MKLN1: variants seen among roughly 807,000 people sequenced by gnomAD.
The protein encoded by MKLN1 is muskelin.
A neutral mutation model predicts 99.0 loss-of-function variants in MKLN1; 18 were observed. The ratio of observed to expected loss-of-function variants is 0.18; its 90% CI spans 0.13 to 0.27. The LOEUF (loss-of-function observed/expected upper bound fraction) is 0.27, where lower values mean the gene tolerates loss of function less well. MKLN1 is among the 10% of genes least tolerant of loss of function. The pLI is 1.00. For missense variants in MKLN1, 621 were observed against 875.9 expected (o/e 0.71, Z 3.67); for synonymous variants, 288 against 293.2 (o/e 0.98, Z 0.18).
At position 131,374,251 on chromosome 7, in the gene MKLN1, ATGTGGAAACATACCAT is replaced by A. The variant is rs1793565083; in HGVS notation, c.99-1164_99-1149del. Among the ~76,000 whole-genome samples the A allele has an allele frequency of 2.6e-5, 4 of 152,138 alleles. No individual in the cohort carries two copies. In the South Asian group the frequency reaches 6.2e-4, roughly 24 times the overall value. ...CTGTTTTCTTTTATTGGAGAGTGGT[ATGTGGAAACATACCAT>A]TGTGGAAATACCAGGGTGCGGTGCT... On this transcript the variant is annotated intron_variant, in intron 1 of 17. Transcript: ENST00000352689.
intron 3 of MKLN1, among the ~76,000 whole-genome samples, chr7:131,213,985 A>G (rs192851959): frequency 4.4e-4 from 67 of 152,224 alleles, no homozygotes; most frequent in African/African-American, 1.6e-3. Flanking sequence ...GTTTTATTTA[A>G]TAAGTTCTTC....
intron 10 of MKLN1, among the ~76,000 whole-genome samples, chr7:131,442,639 G>A (rs1259072330): frequency 1.3e-5 from 2 of 152,172 alleles, no homozygotes; most frequent in Non-Finnish European, 2.9e-5. Context: ...ACATCAAATG[G>A]TTGGGTTTTA....
intron 12 of MKLN1, among the ~76,000 whole-genome samples, chr7:131,449,897 A>G (rs1302629923): frequency 6.6e-6 from 1 of 152,170 alleles, no homozygotes; most frequent in Non-Finnish European, 1.5e-5. Flanking sequence ...ATTAGATTTT[A>G]AGGAAAATAG....
intron 2 of MKLN1, among the ~76,000 whole-genome samples, chr7:131,385,455 T>C (rs551029115): frequency 6.6e-6 from 1 of 152,300 alleles, no homozygotes; most frequent in South Asian, 2.1e-4. Context: ...TTCCACAGTA[T>C]GTGTACCGTT....
chr7:131,205,081 G>C lies in MKLN1; in HGVS notation c.-179+2107G>C, dbSNP rs144527702. Among the ~76,000 whole-genome samples the C allele has an allele frequency of 1.9e-3, 281 of 149,490 alleles. 1 individual carries two copies. Among genetic ancestry groups the C allele is most frequent in the African/African-American group, 6.8e-3 (273 of 40,158 alleles). ...CCACTGCACTCCAGCCTGGGCAACA[G>C]AACAAGACTCCGTCTCAAAAAAAAA... On this transcript the variant is annotated intron_variant, in intron 3 of 7. Coordinates refer to the MKLN1 transcript ENST00000416992.
intron 2 of MKLN1, among the ~76,000 whole-genome samples, chr7:131,198,030 T>G (rs1026534310): frequency 3.3e-5 from 5 of 152,290 alleles, no homozygotes; most frequent in African/African-American, 1.2e-4. Flanking sequence ...TTAAAATTTC[T>G]GTTATTGAGC....
intron 1 of MKLN1, among the ~76,000 whole-genome samples, chr7:131,361,117 A>G (rs949748647): frequency 3.3e-5 from 5 of 151,114 alleles, no homozygotes; most frequent in African/African-American, 9.7e-5. Flanking sequence ...AATTTTTTTG[A>G]TATTTCCTGC....
chr7:131,152,226 G>T (rs1343567934), intron 2 of MKLN1, among the ~76,000 whole-genome samples: 1 of 152,154 alleles, frequency 6.6e-6, no homozygotes, highest in Non-Finnish European at 1.5e-5. Flanking sequence ...GGAGAATAAG[G>T]TGGGAGGATC....
intron 1 of MKLN1, among the ~76,000 whole-genome samples, chr7:131,360,168 ATATTCACC>A (rs1563310526): frequency 1.3e-5 from 2 of 152,144 alleles, no homozygotes; most frequent in Non-Finnish European, 2.9e-5. Context: ...CCATTTCTTT[ATATTCACC>A]TATTTGTATC....
At chr7:131,448,177 G>A (rs1316012775) in intron 12 of MKLN1, among the ~76,000 whole-genome samples, 1 of 152,062 alleles carries the variant, frequency 6.6e-6, no homozygotes, top group Non-Finnish European at 1.5e-5. Context: ...GCAGTGAGCC[G>A]ATATCACGCC....
chr7:131,326,386 C>T (rs1263944835), upstream of MKLN1, among the ~76,000 whole-genome samples: 2 of 152,086 alleles, frequency 1.3e-5, no homozygotes, highest in Non-Finnish European at 2.9e-5. Flanking sequence ...ACTCTGTTGC[C>T]CAGGCTGGAG....
intron 3 of MKLN1, among the ~76,000 whole-genome samples, chr7:131,293,173 T>C (rs916757668): frequency 1.3e-5 from 2 of 152,168 alleles, no homozygotes; most frequent in East Asian, 1.9e-4. Flanking sequence ...CAGGGCTAGC[T>C]TGCTAAGTGT....
At chr7:131,330,760 A>G (rs1378223217) in intron 1 of MKLN1, among the ~76,000 whole-genome samples, 1 of 152,174 alleles carries the variant, frequency 6.6e-6, no homozygotes, top group Non-Finnish European at 1.5e-5. Flanking sequence ...CTTTCTAAGG[A>G]CTTAGAATTC....
chr7:131,407,316 T>C (rs1229309411), intron 6 of MKLN1, among the ~76,000 whole-genome samples: 1 of 152,070 alleles, frequency 6.6e-6, no homozygotes, highest in African/African-American at 2.4e-5. Context: ...TAGAGAGAGT[T>C]GCTTTTTTTT....
chr7:131,185,027 G>C (rs1796428688), intron 2 of MKLN1, among the ~76,000 whole-genome samples: 1 of 152,178 alleles, frequency 6.6e-6, no homozygotes, highest in African/African-American at 2.4e-5. Context: ...TGCTGGAGTT[G>C]CCCCTGAGCA....
At chr7:131,125,348 C>G (rs1795437390) in intron 1 of MKLN1, among the ~76,000 whole-genome samples, 2 of 152,168 alleles carry the variant, frequency 1.3e-5, no homozygotes. Context: ...GTAGAAGTGA[C>G]AAACAACTTA....
In MKLN1 at chr7:131,416,818, A is replaced by G. The variant is rs183955193; in HGVS notation, c.847+2108A>G. On this transcript the variant is annotated intron_variant, in intron 8 of 17. Transcript: ENST00000352689. The stretch of plus-strand genomic sequence containing the variant: ...GCAGCATAGTGAGACCCCCATCTCT[A>G]TAAGAAATAAAAAAATCAGCTGGAT... 1.3e-3 allele frequency among the ~76,000 whole-genome samples: 202 copies of G among 152,016 alleles called. 1 individual carries two copies. Among genetic ancestry groups the G allele is most frequent in the African/African-American group, 4.6e-3 (192 of 41,494 alleles).
At chr7:131,376,497 C>G (rs1793669291) in intron 2 of MKLN1, among the ~76,000 whole-genome samples, 1 of 151,494 alleles carries the variant, frequency 6.6e-6, no homozygotes, top group Non-Finnish European at 1.5e-5. Flanking sequence ...CAAAAATTAG[C>G]TGGGTGTGGT....
At chr7:131,384,340 G>A (rs1793944268) in intron 2 of MKLN1, among the ~76,000 whole-genome samples, 1 of 151,262 alleles carries the variant, frequency 6.6e-6, no homozygotes, top group South Asian at 2.1e-4. Flanking sequence ...GATTAGGGTG[G>A]CCTATAAATC....
Sources: gnomAD v4.1 joint callset for allele counts (sites outside exome capture counted in the v4.1 genomes callset) on GRCh38, gnomAD v4.1.1 for gene constraint, MANE v1.5 for transcripts, NCBI Gene and HGNC (gene_info 2026-07-23, HGNC 2026-07-21) for gene names.